MEGF10: variants seen among roughly 807,000 people sequenced by gnomAD.
MEGF10 encodes multiple EGF like domains 10, also known as multiple epidermal growth factor-like domains protein 10.
MEGF10 carries 86 observed loss-of-function variants against 147.5 expected under a neutral mutation model. The observed-to-expected ratio is 0.58, with a 90% CI of 0.49 to 0.70. The LOEUF (loss-of-function observed/expected upper bound fraction) is 0.70. Among genes scored for constraint, MEGF10 ranks in the 30% least tolerant of loss-of-function variants. The pLI, the probability that MEGF10 is intolerant of heterozygous loss-of-function variation, is 0.00. For synonymous variants in MEGF10, 478 were observed against 525.5 expected (o/e 0.91, Z 1.24); for missense variants, 1,329 against 1,487.3 (o/e 0.89, Z 1.75).
chr5:127,335,486 C>T (rs532335427), intron 2 of MEGF10, among the ~76,000 whole-genome samples: 2 of 152,240 alleles, frequency 1.3e-5, no homozygotes, highest in Admixed American at 6.5e-5. Context: ...AGGAGGCAGG[C>T]CCATTCTTGA....
intron 19 of MEGF10, among the ~76,000 whole-genome samples, chr5:127,443,694 C>G (rs1310638712): frequency 6.6e-6 from 1 of 152,146 alleles, no homozygotes; most frequent in Non-Finnish European, 1.5e-5. Context: ...ATACTGTACT[C>G]TTTTGGGTCT....
the MEGF10 span, among the ~76,000 whole-genome samples, chr5:127,235,143 G>T: frequency 6.6e-6 from 1 of 152,164 alleles, no homozygotes; most frequent in Non-Finnish European, 1.5e-5. Context: ...ACCGTGCCTG[G>T]CCTCCAACTT....
At chr5:127,273,806 A>C in the MEGF10 span, among the ~76,000 whole-genome samples, 1 of 152,238 alleles carries the variant, frequency 6.6e-6, no homozygotes, top group South Asian at 2.1e-4. Context: ...CATTTATCAA[A>C]TACCTACTTA....
intron 1 of MEGF10, among the ~76,000 whole-genome samples, chr5:127,308,094 T>C (rs1446175082): frequency 1.3e-5 from 2 of 152,184 alleles, no homozygotes; most frequent in Non-Finnish European, 2.9e-5. Context: ...GTATTATAAA[T>C]AACAACTGCT....
intron 4 of MEGF10, among the ~76,000 whole-genome samples, chr5:127,343,074 GTAGA>G (rs1006206666): frequency 6.6e-6 from 1 of 151,998 alleles, no homozygotes; most frequent in Non-Finnish European, 1.5e-5. Context: ...AGGCAAGCTT[GTAGA>G]TAGAGAAGGA....
At chr5:127,447,725 A>G (rs979491963) in intron 21 of MEGF10, 41 bp downstream of exon 21, 63 of 1,612,162 alleles carry the variant, frequency 3.9e-5, no homozygotes, top group Non-Finnish European at 4.8e-5. Context: ...TGGGCTGGGG[A>G]GAGAGGAAGG....
intron 2 of MEGF10, among the ~76,000 whole-genome samples, chr5:127,333,367 G>C (rs1372765247): frequency 6.6e-6 from 1 of 151,978 alleles, no homozygotes; most frequent in Admixed American, 6.6e-5. Flanking sequence ...AATACAAAAA[G>C]CCAAGTGTGG....
chr5:127,275,147 A>G, the MEGF10 span, among the ~76,000 whole-genome samples: 20 of 152,336 alleles, frequency 1.3e-4, no homozygotes, highest in African/African-American at 3.1e-4. Flanking sequence ...CAGTACTAAC[A>G]TATCTGTTAC....
chr5:127,320,918 T>A (rs1760763650), intron 1 of MEGF10, among the ~76,000 whole-genome samples: 2 of 152,236 alleles, frequency 1.3e-5, no homozygotes, highest in African/African-American at 4.8e-5. Context: ...TCAAAACATC[T>A]GTACAGTGTA....
At chr5:127,395,610 T>A (rs1184549498) in intron 5 of MEGF10, among the ~76,000 whole-genome samples, 1 of 142,626 alleles carries the variant, frequency 7.0e-6, no homozygotes, top group Non-Finnish European at 1.5e-5. Flanking sequence ...AGTGGCGCAG[T>A]CTTAGCTCAC....
At chr5:127,398,020 A>G (rs919454993) in intron 6 of MEGF10, among the ~76,000 whole-genome samples, 1 of 149,296 alleles carries the variant, frequency 6.7e-6, no homozygotes, top group African/African-American at 2.5e-5. Flanking sequence ...AACAATGAGA[A>G]CACATGGACA....
chr5:127,425,522 A>G (rs2126985202), intron 13 of MEGF10, among the ~76,000 whole-genome samples: 1 of 152,304 alleles, frequency 6.6e-6, no homozygotes, highest in South Asian at 2.1e-4. Context: ...CATCCCTCAC[A>G]ATTACAGAAT....
At chr5:127,260,466 A>C in the MEGF10 span, among the ~76,000 whole-genome samples, 1 of 152,154 alleles carries the variant, frequency 6.6e-6, no homozygotes, top group South Asian at 2.1e-4. Context: ...ACCTCCCTTC[A>C]TGTCTCATTG....
the MEGF10 span, among the ~76,000 whole-genome samples, chr5:127,231,621 T>C: frequency 6.6e-6 from 1 of 152,234 alleles, no homozygotes; most frequent in South Asian, 2.1e-4. Flanking sequence ...AAGCTGGGGA[T>C]TTCACTATGT....
At chr5:127,376,285 G>C (rs1031047530) in intron 5 of MEGF10, among the ~76,000 whole-genome samples, 2 of 152,134 alleles carry the variant, frequency 1.3e-5, no homozygotes, top group Admixed American at 6.6e-5. Flanking sequence ...TATGTTTTAA[G>C]GTGAAAAAAG....
intron 5 of MEGF10, among the ~76,000 whole-genome samples, chr5:127,375,644 C>T (rs1168769574): frequency 6.6e-6 from 1 of 152,178 alleles, no homozygotes; most frequent in Non-Finnish European, 1.5e-5. Flanking sequence ...CTCTTCCCTG[C>T]TCTAGCTCTG....
chr5:127,444,826 T>C (rs1052100531), intron 19 of MEGF10: 5 of 152,708 alleles, frequency 3.3e-5, no homozygotes, highest in African/African-American at 1.2e-4. Context: ...GTAGATCCTG[T>C]TCTTAGACTA....
chr5:127,346,410 T>C (rs1475453572), intron 4 of MEGF10, among the ~76,000 whole-genome samples: 1 of 152,128 alleles, frequency 6.6e-6, no homozygotes, highest in Non-Finnish European at 1.5e-5. Flanking sequence ...CTTGCAGGAG[T>C]AAGGCGGTAT....
At position 127,458,230 on chromosome 5, in the gene MEGF10, T is replaced by C. The variant is rs1237642576; in HGVS notation, c.*912T>C. ...AAGGTTGTAAATTTTAAATGCAAGA[T>C]GACGCTTACGTTCTGTAAACCATTA... On this transcript the variant is annotated 3_prime_UTR_variant, in exon 25 of 25. Coordinates refer to ENST00000503335, the MANE Select transcript of MEGF10 (RefSeq NM_001256545.2). 1.3e-5 allele frequency: 2 copies of C among 152,252 alleles called. No individual in the cohort carries two copies. Among genetic ancestry groups the C allele is most frequent in the African/African-American group, 2.4e-5 (1 of 41,468 alleles). The allele number at this position is 152,252 out of a possible 1,614,324, so 9.4% of individuals were successfully genotyped here.
Sources: gnomAD v4.1 joint callset for allele counts (sites outside exome capture counted in the v4.1 genomes callset) on GRCh38, gnomAD v4.1.1 for gene constraint, MANE v1.5 for transcripts, NCBI Gene and HGNC (gene_info 2026-07-23, HGNC 2026-07-21) for gene names.